Variants in ZNF320 observed in about 807,000 individuals in gnomAD.
ZNF320 encodes the protein zinc finger protein 320.
Under a neutral mutation model 6.8 loss-of-function variants are expected in ZNF320, and 2 were observed. That is an observed-to-expected ratio of 0.29 (90% confidence interval 0.12 to 0.93). ZNF320 has a LOEUF of 0.93. Ranked by LOEUF, ZNF320 falls within the 40% of genes least tolerant of loss-of-function variation. The pLI is 0.55. For synonymous variants in ZNF320, 208 were observed against 203.2 expected, an observed-to-expected ratio of 1.02 and a Z score of -0.20; for missense variants, 472 against 611.0, an observed-to-expected ratio of 0.77 and a Z score of 2.40.
chr19:52,871,224 G>A (rs1480559378), downstream of ZNF320, among the ~76,000 whole-genome samples: 1 of 152,188 alleles, frequency 6.6e-6, no homozygotes, highest in African/African-American at 2.4e-5. Flanking sequence ...GGAGGCTAAA[G>A]TGGGGATTGA....
rs1024417082 is a variant in ZNF320, at chr19:52,891,303, A to G, written c.-148T>C. 3 of 152,088 alleles carry G rather than the reference A, an allele frequency of 2.0e-5. No homozygotes were observed. Among genetic ancestry groups the G allele is most frequent in the Non-Finnish European group, 4.4e-5 (3 of 68,026 alleles). 9.4% of individuals were successfully genotyped at this position (152,088 alleles called of 1,614,324 possible). A position where few individuals can be genotyped will look rare whatever the true frequency, so the allele number is the denominator to read the frequency against. ...AGGAGACAGAGGTTGCAGTGAGCCA[A>G]GATCAGGAGACTGCACTCACAGCCT... On this transcript the variant is annotated 5_prime_UTR_variant, in exon 3 of 6. Transcript: ENST00000682928.
At position 52,864,193 on chromosome 19, in the gene ZNF320, T is replaced by C. The variant is rs765535768; in HGVS notation, c.224-34A>G. Reference sequence around the variant, plus strand: ...AGAAACACGTTTAAATAAAACATTATGGAGGCGTTATCACCTTCACACGAA... The same window carrying C: ...AGAAACACGTTTAAATAAAACATTACGGAGGCGTTATCACCTTCACACGAA... On this transcript the variant is annotated intron_variant, in intron 5 of 5. Coordinates refer to the ZNF320 transcript ENST00000673631. The C allele has an allele frequency of 1.1e-4, 23 of 218,258 alleles. No homozygotes were observed. In the South Asian group the frequency reaches 1.7e-3, roughly 16 times the overall value. The allele number at this position is 218,258 out of a possible 1,614,324, so 13.5% of individuals were successfully genotyped here.
exon 6 of ZNF320, chr19:52,862,883 A>G (rs933002036): frequency 3.3e-6 from 1 of 302,544 alleles, no homozygotes; most frequent in Non-Finnish European, 6.7e-6. Context: ...AATTACAACA[A>G]ATTAGCTGGG....
intron 5 of ZNF320, among the ~76,000 whole-genome samples, chr19:52,867,693 C>T (rs764702012): frequency 5.9e-5 from 9 of 152,022 alleles, no homozygotes; most frequent in Non-Finnish European, 1.2e-4. Context: ...CTCACAGAAA[C>T]ATCCGCCTCC....
the ZNF320 span, among the ~76,000 whole-genome samples, chr19:52,903,285 A>C: frequency 6.6e-6 from 1 of 152,206 alleles, no homozygotes; most frequent in East Asian, 1.9e-4. Flanking sequence ...TTGGGACTTC[A>C]ATTATCCTTT....
chr19:52,874,378 G>A (rs1249757519), downstream of ZNF320: 1 of 152,874 alleles, frequency 6.5e-6, no homozygotes, highest in African/African-American at 2.4e-5. Context: ...AGCTCCCTGT[G>A]GATCACAGGC....
chr19:52,901,081 T>G (rs1362461961), upstream of ZNF320, among the ~76,000 whole-genome samples: 1 of 152,156 alleles, frequency 6.6e-6, no homozygotes, highest in African/African-American at 2.4e-5. Flanking sequence ...AAAAGACTAG[T>G]CTTTAATTTT....
intron 4 of ZNF320, among the ~76,000 whole-genome samples, chr19:52,889,076 G>C (rs142380393): frequency 6.6e-6 from 1 of 151,990 alleles, no homozygotes; most frequent in African/African-American, 2.4e-5. Context: ...CCCAGCTACT[G>C]GGGAAGCTGA....
At chr19:52,875,173 GTT>G (rs200393641), downstream of ZNF320, among the ~76,000 whole-genome samples, 1,927 of 152,276 alleles carry the variant, frequency 0.013, 37 homozygotes, top group African/African-American at 0.044. Flanking sequence ...ATGCTGTCAA[GTT>G]TGGCTAAGCT....
At chr19:52,861,892 G>A (rs34528786) in exon 6 of ZNF320, 69,805 of 360,722 alleles carry the variant, frequency 0.19, 7,411 homozygotes, top group Non-Finnish European at 0.21. Flanking sequence ...TTGTGAACGT[G>A]AAGTAAAGAC....
chr19:52,862,296 T>C, exon 6 of ZNF320: 1 of 601,740 alleles, frequency 1.7e-6, no homozygotes, highest in Non-Finnish European at 3.0e-6. Context: ...AATTCTAGTA[T>C]GTCCTGCAAG....
At chr19:52,874,530 G>T (rs2063732653), downstream of ZNF320, among the ~76,000 whole-genome samples, 1 of 152,172 alleles carries the variant, frequency 6.6e-6, no homozygotes, top group African/African-American at 2.4e-5. Context: ...CAGCATAAAA[G>T]ATGTATTTGC....
intron 5 of ZNF320, among the ~76,000 whole-genome samples, chr19:52,887,000 A>AGGAAGGAG (rs1555821375): frequency 0.026 from 2,241 of 87,530 alleles, 68 homozygotes; most frequent in African/African-American, 0.079. Context: ...GAAGGAAGGA[A>AGGAAGGAG]GGAAGGAAAA....
At chr19:52,873,423 T>C (rs187164870), downstream of ZNF320, among the ~76,000 whole-genome samples, 5 of 152,326 alleles carry the variant, frequency 3.3e-5, no homozygotes, top group East Asian at 9.6e-4. Context: ...AAGCACATCC[T>C]GCACAGCCCG....
Position 52,878,161 on chromosome 19 carries a change from C to T in ZNF320, c.*2435G>A. The T allele has an allele frequency of 4.8e-6, 1 of 209,276 alleles. No individual in the cohort carries two copies. The highest frequency in any genetic ancestry group is 1.0e-5 in the Non-Finnish European group (1 of 98,040). The allele number at this position is 209,276 out of a possible 1,614,324, so 13.0% of individuals were successfully genotyped here. ...GCAATTCCTTATAGATCCAGCTTGG[C>T]TCTTCTCCAGTGTCGTCTTTGACAG... On this transcript the variant is annotated 3_prime_UTR_variant, in exon 6 of 6. Transcript: ENST00000682928.
At chr19:52,893,362 T>C (rs938749304) in intron 2 of ZNF320, 1 of 152,140 alleles carries the variant, frequency 6.6e-6, no homozygotes, top group African/African-American at 2.4e-5. Flanking sequence ...ACGTAAACCA[T>C]GGGCTTGGCC....
chr19:52,864,944 T>C lies in ZNF320; in HGVS notation c.224-785A>G, dbSNP rs141621077. Among the ~76,000 whole-genome samples, 133 of 151,110 alleles carry C rather than the reference T, an allele frequency of 8.8e-4. No individual in the cohort carries two copies. The South Asian group carries it at 0.01, about 12-fold the overall frequency. ...AGAAGAATGGTGTGAACCTGGGAGG[T>C]AGAGCTTGCAGTGAGCCGAGATCGG... On this transcript the variant is annotated intron_variant, in intron 5 of 5. Coordinates refer to the ZNF320 transcript ENST00000673631.
intron 5 of ZNF320, among the ~76,000 whole-genome samples, chr19:52,868,273 G>A (rs1476763548): frequency 1.3e-5 from 2 of 152,042 alleles, no homozygotes; most frequent in African/African-American, 4.8e-5. Context: ...TTGGAAGACC[G>A]CGGTGGGTGG....
At chr19:52,887,218 C>T (rs200369253) in intron 5 of ZNF320, among the ~76,000 whole-genome samples, 1 of 152,062 alleles carries the variant, frequency 6.6e-6, no homozygotes, top group Non-Finnish European at 1.5e-5. Flanking sequence ...TGCGTTTACA[C>T]CTGTAATACA....
Sources: allele counts gnomAD v4.1 joint callset (sites outside exome capture counted in the v4.1 genomes callset), GRCh38; gene constraint gnomAD v4.1.1; transcripts MANE v1.5; gene names NCBI Gene and HGNC (gene_info 2026-07-23, HGNC 2026-07-21).